Variants in FAM135B observed in about 807,000 individuals in gnomAD.
FAM135B encodes family with sequence similarity 135 member B.
A neutral mutation model predicts 127.7 loss-of-function variants in FAM135B; 43 were observed. The ratio of observed to expected loss-of-function variants is 0.34; its 90% CI spans 0.26 to 0.43. FAM135B has a LOEUF of 0.43. FAM135B is among the 20% of genes least tolerant of loss of function. The probability of loss-of-function intolerance (pLI) is 1.00; values close to 1 mark genes in which losing one functional copy is unlikely to be tolerated. For missense variants in FAM135B, 1,558 were observed against 1,725.6 expected, an observed-to-expected ratio of 0.90 and a Z score of 1.72; for synonymous variants, 670 against 665.1, an observed-to-expected ratio of 1.01 and a Z score of -0.11.
chr8:138,436,119 A>C (rs141240379), intron 1 of FAM135B, among the ~76,000 whole-genome samples: 20 of 152,330 alleles, frequency 1.3e-4, no homozygotes, highest in Middle Eastern at 3.4e-3. Flanking sequence ...ACTCACTGTG[A>C]AATACAGGGA....
chr8:138,236,021 A>G (rs1820244783), intron 7 of FAM135B, among the ~76,000 whole-genome samples: 1 of 152,174 alleles, frequency 6.6e-6, no homozygotes, highest in Non-Finnish European at 1.5e-5. Context: ...AGGAACTGGG[A>G]GGCTCAATGT....
chr8:138,473,569 T>A (rs1814197458), intron 1 of FAM135B, among the ~76,000 whole-genome samples: 1 of 152,102 alleles, frequency 6.6e-6, no homozygotes, highest in African/African-American at 2.4e-5. Flanking sequence ...GGAAACAATA[T>A]CCCAAGCAGT....
intron 3 of FAM135B, among the ~76,000 whole-genome samples, chr8:138,285,894 T>A (rs1264181106): frequency 6.6e-6 from 1 of 152,240 alleles, no homozygotes; most frequent in Non-Finnish European, 1.5e-5. Context: ...TCTTCATTCA[T>A]CTGCTTATCT....
rs185504232 is a variant in FAM135B at position 138,251,676 on chromosome 8, G to A, written c.369-662C>T. Among the ~76,000 whole-genome samples, 322 of 152,296 alleles carry A rather than the reference G, an allele frequency of 2.1e-3. 2 individuals are homozygous for A. Among genetic ancestry groups the A allele is most frequent in the African/African-American group, 7.4e-3 (309 of 41,568 alleles). On this transcript the variant is annotated intron_variant, in intron 5 of 19. Transcript: ENST00000395297. Reference sequence around the variant, plus strand: ...AATTGACATGTATCTGAGTCTAAGAGATTAAACCAACTGGCACACGACCCA... The same window carrying A: ...AATTGACATGTATCTGAGTCTAAGAAATTAAACCAACTGGCACACGACCCA...
intron 1 of FAM135B, among the ~76,000 whole-genome samples, chr8:138,378,059 T>G (rs190793804): frequency 2.8e-4 from 42 of 152,334 alleles, no homozygotes; most frequent in Admixed American, 1.6e-3. Flanking sequence ...GGGTCTCACT[T>G]CTGTGTGGAA....
chr8:138,227,243 C>G (rs1322433623), intron 7 of FAM135B, among the ~76,000 whole-genome samples: 1 of 152,184 alleles, frequency 6.6e-6, no homozygotes, highest in Non-Finnish European at 1.5e-5. Flanking sequence ...CCTAGTCAAA[C>G]CAATTATCCT....
chr8:138,300,744 C>CTTTTTT (rs34292545), intron 3 of FAM135B, among the ~76,000 whole-genome samples: 1 of 100,488 alleles, frequency 1.0e-5, no homozygotes, highest in Non-Finnish European at 2.0e-5. Flanking sequence ...ATTTTATCCA[C>CTTTTTT]TTTTTTTTTT....
At chr8:138,453,556 G>A (rs1371518297) in intron 1 of FAM135B, among the ~76,000 whole-genome samples, 6 of 152,080 alleles carry the variant, frequency 3.9e-5, no homozygotes, top group African/African-American at 1.2e-4. Context: ...TTGGGGATTT[G>A]CTCAAGTAGC....
At chr8:138,207,709 G>A (rs9644496) in intron 7 of FAM135B, among the ~76,000 whole-genome samples, 109,343 of 152,008 alleles carry the variant, frequency 0.72, 39,535 homozygotes, top group East Asian at 0.82. Flanking sequence ...AACACGGAGG[G>A]ACACCCATTA....
chr8:138,497,273 C>A (rs1479685344), upstream of FAM135B, among the ~76,000 whole-genome samples: 1 of 150,296 alleles, frequency 6.7e-6, no homozygotes, highest in Non-Finnish European at 1.5e-5. Context: ...GCTGGCGGCG[C>A]GGCTCACGCG....
At chr8:138,249,462 T>C (rs7460570) in intron 6 of FAM135B, among the ~76,000 whole-genome samples, 58,163 of 152,036 alleles carry the variant, frequency 0.38, 11,816 homozygotes, top group African/African-American at 0.5. Context: ...CCACAGTATT[T>C]TTATATTCCA....
chr8:138,279,645 G>T (rs905857466), intron 3 of FAM135B, among the ~76,000 whole-genome samples: 19 of 152,132 alleles, frequency 1.2e-4, no homozygotes, highest in African/African-American at 4.1e-4. Flanking sequence ...ATAAGACAAA[G>T]ATGCCCATCG....
At chr8:138,425,894 A>T (rs1317985214) in intron 1 of FAM135B, among the ~76,000 whole-genome samples, 1 of 149,024 alleles carries the variant, frequency 6.7e-6, no homozygotes, top group Non-Finnish European at 1.5e-5. Context: ...CATGCCTGTA[A>T]TCTCAGCACT....
At chr8:138,298,366 A>T (rs891812358) in intron 3 of FAM135B, among the ~76,000 whole-genome samples, 39 of 152,210 alleles carry the variant, frequency 2.6e-4, no homozygotes, top group Non-Finnish European at 2.4e-4. Context: ...CAAAGAAAAA[A>T]CTGAGCAAGA....
intron 7 of FAM135B, among the ~76,000 whole-genome samples, chr8:138,220,035 A>T (rs917931446): frequency 1.2e-4 from 18 of 148,748 alleles, no homozygotes; most frequent in African/African-American, 4.2e-4. Flanking sequence ...TTTAACTCAT[A>T]CACAAATAGG....
chr8:138,205,012 C>A (rs6577884), intron 7 of FAM135B, among the ~76,000 whole-genome samples: 10 of 151,992 alleles, frequency 6.6e-5, no homozygotes, highest in Admixed American at 2.0e-4. Context: ...TGCTGTGTGC[C>A]TGGTACTATT....
chr8:138,319,206 A>G (rs1281855379), intron 2 of FAM135B, among the ~76,000 whole-genome samples: 1 of 152,134 alleles, frequency 6.6e-6, no homozygotes, highest in African/African-American at 2.4e-5. Flanking sequence ...TCCCAGGTTC[A>G]AGCAATTCTC....
At chr8:138,458,400 A>G (rs1836921677) in intron 1 of FAM135B, among the ~76,000 whole-genome samples, 1 of 152,206 alleles carries the variant, frequency 6.6e-6, no homozygotes, top group African/African-American at 2.4e-5. Flanking sequence ...GGAGATCTGA[A>G]GTAAGGTGGG....
chr8:138,280,021 T>C (rs1824140606), intron 3 of FAM135B, among the ~76,000 whole-genome samples: 1 of 152,248 alleles, frequency 6.6e-6, no homozygotes. Flanking sequence ...AAGAAAGTCA[T>C]GTAGTTTTAT....
Sources: gnomAD v4.1 joint callset for allele counts (sites outside exome capture counted in the v4.1 genomes callset) on GRCh38, gnomAD v4.1.1 for gene constraint, MANE v1.5 for transcripts, NCBI Gene and HGNC (gene_info 2026-07-23, HGNC 2026-07-21) for gene names.